FUCA1: variants seen among roughly 807,000 people sequenced by gnomAD.
FUCA1 encodes tissue alpha-L-fucosidase.
In FUCA1, 52 loss-of-function variants were observed where a neutral mutation model predicts 56.8. That is an observed-to-expected ratio of 0.92 (90% confidence interval 0.73 to 1.15). FUCA1 has a LOEUF of 1.15. Ranked by LOEUF, FUCA1 falls within the 50% of genes most tolerant of loss-of-function variation. The pLI is 0.00. For synonymous variants in FUCA1, 230 were observed against 226.6 expected, an observed-to-expected ratio of 1.02 and a Z score of -0.14; for missense variants, 568 against 592.6, an observed-to-expected ratio of 0.96 and a Z score of 0.43.
In FUCA1 at chr1:23,863,291, C is replaced by G; in HGVS notation, c.525-20G>C. ...ATGTTCCTTAAACAGAAAAACAGAA[C>G]AGCAACTGTCATTAAGCATAGAACA... On this transcript the variant is annotated intron_variant, in intron 2 of 7. Coordinates refer to ENST00000374479, the MANE Select transcript of FUCA1 (RefSeq NM_000147.5). 6.2e-7 allele frequency: 1 copy of G among 1,610,024 alleles called. No homozygotes were observed. The highest frequency in any genetic ancestry group is 8.5e-7 in the Non-Finnish European group (1 of 1,178,930).
Position 23,849,969 on chromosome 1 carries a change from C to A in FUCA1, c.970-1130G>T, listed in dbSNP as rs970409915. On this transcript the variant is annotated intron_variant, in intron 5 of 7. Transcript: ENST00000374479. ...TGAACAGGTATTATACATATCCAGG[C>A]AGCTCAGAAAAACTAAGGTTATATA... Among the ~76,000 whole-genome samples the A allele has an allele frequency of 5.9e-5, 9 of 151,940 alleles. No homozygotes were observed. The East Asian group carries it at 1.2e-3, about 20-fold the overall frequency.
intron 4 of FUCA1, among the ~76,000 whole-genome samples, chr1:23,857,240 G>T (rs918137256): frequency 4.6e-5 from 7 of 151,940 alleles, no homozygotes; most frequent in African/African-American, 1.7e-4. Flanking sequence ...AGACAAATGG[G>T]GTATTAACAA....
In FUCA1 at chr1:23,859,793, C is replaced by T. The variant is rs369018446; in HGVS notation, c.768+5G>A. ...AGATAAATAAGAAGTCATATAATCA[C>T]ATACCTTGACAGGGCTGTCATTGTA... On this transcript the variant is annotated splice_donor_5th_base_variant and intron_variant, in intron 4 of 7. Coordinates refer to ENST00000374479, the MANE Select transcript of FUCA1 (RefSeq NM_000147.5). 1.1e-5 allele frequency: 17 copies of T among 1,577,874 alleles called. No individual in the cohort carries two copies. The highest frequency in any genetic ancestry group is 1.4e-5 in the Non-Finnish European group (16 of 1,147,232).
intron 6 of FUCA1, among the ~76,000 whole-genome samples, chr1:23,847,589 G>C (rs1639168608): frequency 6.6e-6 from 1 of 152,196 alleles, no homozygotes; most frequent in Non-Finnish European, 1.5e-5. Flanking sequence ...AAGGAAGAAA[G>C]ACCTGAGTGG....
chr1:23,853,045 G>T (rs1411401100), intron 5 of FUCA1, among the ~76,000 whole-genome samples: 1 of 140,574 alleles, frequency 7.1e-6, no homozygotes. Context: ...ACCTCTTCCC[G>T]GCCGCCATCC....
Position 23,846,077 on chromosome 1 carries a change from T to C in FUCA1, c.1257A>G (p.Thr419=). The C allele has an allele frequency of 6.2e-7, 1 of 1,610,620 alleles. No homozygotes were observed. The highest frequency in any genetic ancestry group is 2.2e-5 in the East Asian group (1 of 44,858). The part of the protein sequence containing the change: ...NLESPITTST[T]KITMLGIQGD... Reference sequence around the variant, plus strand: ...AAGACTGACTAAGCCTCTTTACCTTTGTAGTTGAGGTAGTTATGGGGGATT... The same window carrying C: ...AAGACTGACTAAGCCTCTTTACCTTCGTAGTTGAGGTAGTTATGGGGGATT... Residue 419 remains threonine (T), a synonymous_variant, in exon 7 of 8, where the codon ACA becomes ACG. Coordinates refer to ENST00000374479, the MANE Select transcript of FUCA1 (RefSeq NM_000147.5).
At chr1:23,848,434 C>T (rs1639185994) in intron 6 of FUCA1, among the ~76,000 whole-genome samples, 1 of 152,068 alleles carries the variant, frequency 6.6e-6, no homozygotes, top group African/African-American at 2.4e-5. Context: ...TGCTCCTTCC[C>T]TTTTCACCAA....
intron 3 of FUCA1, among the ~76,000 whole-genome samples, chr1:23,861,468 A>C (rs114905228): frequency 0.012 from 1,770 of 152,194 alleles, 35 homozygotes; most frequent in African/African-American, 0.04. Flanking sequence ...TCAAGGAAGC[A>C]AAGGAAACAA....
chr1:23,867,806 C>A lies in FUCA1; in HGVS notation c.389+92G>T. On this transcript the variant is annotated intron_variant, in intron 1 of 7. Transcript: ENST00000374479. This position sits in a 1 kb window ranked among gnomAD's most constrained non-coding sequence, Gnocchi z 4.9. ...CGGGCCCCGGGGTCATGGGGGCGAC[C>A]GGCAGCTGCGCGCCCCAGCTGGCCG... is the stretch of plus-strand genomic sequence containing the variant. 1 of 1,447,374 alleles carries A rather than the reference C, an allele frequency of 6.9e-7. No homozygotes were observed. Among genetic ancestry groups the A allele is most frequent in the Non-Finnish European group, 9.0e-7 (1 of 1,109,250 alleles). The allele number at this position is 1,447,374 out of a possible 1,614,324, so 89.7% of individuals were successfully genotyped here.
intron 5 of FUCA1, among the ~76,000 whole-genome samples, chr1:23,853,627 G>A (rs11804092): frequency 0.26 from 38,795 of 150,056 alleles, 5,295 homozygotes; most frequent in Non-Finnish European, 0.33. Context: ...AGAAAGGGGG[G>A]AAAGGCGGGG....
In FUCA1 at chr1:23,852,100, T is replaced by TAATAATAAA. The variant is rs370893792; in HGVS notation, c.969+2259_969+2260insTTTATTATT. Among the ~76,000 whole-genome samples, 1,376 of 149,762 alleles carry TAATAATAAA rather than the reference T, an allele frequency of 9.2e-3. 17 individuals are homozygous for TAATAATAAA. Among genetic ancestry groups the TAATAATAAA allele is most frequent in the African/African-American group, 0.027 (1,109 of 40,744 alleles). On this transcript the variant is annotated intron_variant, in intron 5 of 7. Coordinates refer to ENST00000374479, the MANE Select transcript of FUCA1 (RefSeq NM_000147.5). The stretch of plus-strand genomic sequence containing the variant: ...AAGGTAATAATAATAATAATAATAA[T>TAATAATAAA]AAAAAGTGGTTTGAGATCCATAGTT...
intron 1 of FUCA1, among the ~76,000 whole-genome samples, chr1:23,865,956 T>G (rs1639615551): frequency 6.6e-6 from 1 of 152,208 alleles, no homozygotes; most frequent in Admixed American, 6.5e-5. Context: ...CGATTAACTT[T>G]CTTTCATTCT....
chr1:23,868,258 G>C lies in FUCA1; in HGVS notation c.29C>G (p.Pro10Arg), dbSNP rs2070956. Residue 10 changes from proline (P) to arginine (R), a missense_variant, in exon 1 of 8, where the codon CCG (proline) becomes CGG (arginine). Coordinates refer to ENST00000374479, the MANE Select transcript of FUCA1 (RefSeq NM_000147.5). ...CAGCAGCAACAGCGCGGGACCCGCC[G>C]GCCGCGACCTCATCCCCGGAGCCCG... MRAPGMRSR[P>R]AGPALLLLLL... 157,541 of 1,556,742 alleles carry C rather than the reference G, an allele frequency of 0.1. 8,542 individuals are homozygous for C. Among genetic ancestry groups the C allele is most frequent in the East Asian group, 0.18 (7,443 of 41,598 alleles).
intron 4 of FUCA1, among the ~76,000 whole-genome samples, chr1:23,858,128 G>A (rs754686743): frequency 1.6e-4 from 24 of 150,088 alleles, no homozygotes; most frequent in African/African-American, 2.2e-4. Flanking sequence ...GCAGTGGCGC[G>A]ATCTCGGCTC....
intron 5 of FUCA1, among the ~76,000 whole-genome samples, chr1:23,850,168 T>C (rs1639226151): frequency 2.6e-5 from 4 of 151,512 alleles, no homozygotes; most frequent in Admixed American, 2.6e-4. Flanking sequence ...ATACAAAAAT[T>C]AGCTGGGCAC....
chr1:23,855,740 A>G (rs1224057156), intron 4 of FUCA1, among the ~76,000 whole-genome samples: 1 of 152,230 alleles, frequency 6.6e-6, no homozygotes, highest in Non-Finnish European at 1.5e-5. Context: ...TGGGTCACAG[A>G]ATTGAAAAGG....
chr1:23,851,090 G>GT (rs886850691), intron 5 of FUCA1, among the ~76,000 whole-genome samples: 17 of 152,094 alleles, frequency 1.1e-4, no homozygotes, highest in African/African-American at 4.1e-4. Flanking sequence ...ATATGTAACT[G>GT]TTTTTTCATT....
At chr1:23,847,172 T>C (rs961780334) in intron 6 of FUCA1, among the ~76,000 whole-genome samples, 7 of 152,148 alleles carry the variant, frequency 4.6e-5, no homozygotes, top group Admixed American at 2.6e-4. Context: ...TCCCTACCAA[T>C]TGGGTTAAGT....
chr1:23,865,462 T>A (rs1265867499), intron 2 of FUCA1, 29 bp downstream of exon 2: 1 of 1,613,856 alleles, frequency 6.2e-7, no homozygotes, highest in Non-Finnish European at 8.5e-7. Context: ...TCCAAAGAGA[T>A]AACAGAGTAA....
Sources: gnomAD v4.1 joint callset for allele counts (sites outside exome capture counted in the v4.1 genomes callset) on GRCh38, gnomAD v4.1.1 for gene constraint, Gnocchi (gnomAD v3.1) non-coding constraint, MANE v1.5 for transcripts, NCBI Gene and HGNC (gene_info 2026-07-23, HGNC 2026-07-21) for gene names.